The following PCNX1 variants were observed in gnomAD, a reference collection of about 807,000 sequenced individuals.
PCNX1 encodes pecanex-like protein 1.
A neutral mutation model predicts 242.2 loss-of-function variants in PCNX1; 78 were observed. The observed-to-expected ratio is 0.32, with a 90% confidence interval of 0.27 to 0.39. The LOEUF (loss-of-function observed/expected upper bound fraction) is 0.39. Ranked by LOEUF, PCNX1 falls within the 10% of genes least tolerant of loss-of-function variation. The pLI is 1.00. For missense variants in PCNX1, 2,581 were observed against 2,856.5 expected, an observed-to-expected ratio of 0.90 and a Z score of 2.20; for synonymous variants, 1,024 against 1,032.9, an observed-to-expected ratio of 0.99 and a Z score of 0.17.
chr14:71,042,617 AAAATT>A (rs1157293509), intron 19 of PCNX1, among the ~76,000 whole-genome samples: 1 of 152,140 alleles, frequency 6.6e-6, no homozygotes, highest in Admixed American at 6.5e-5. Flanking sequence ...TAAAAAAAAA[AAAATT>A]TAAGCAGAGT....
chr14:71,041,480 T>C (rs2060702838), intron 19 of PCNX1, among the ~76,000 whole-genome samples: 1 of 152,192 alleles, frequency 6.6e-6, no homozygotes, highest in South Asian at 2.1e-4. Context: ...TTCCAATTTA[T>C]TCACATATAG....
intron 5 of PCNX1, among the ~76,000 whole-genome samples, chr14:70,976,361 TTTCTTTC>T (rs2058686266): frequency 7.3e-6 from 1 of 136,204 alleles, no homozygotes. Context: ...TTGCTCTTTC[TTTCTTTC>T]TTTCTTTTTT....
At chr14:70,934,214 A>G (rs531574441) in intron 1 of PCNX1, among the ~76,000 whole-genome samples, 16 of 152,334 alleles carry the variant, frequency 1.1e-4, no homozygotes, top group African/African-American at 2.6e-4. Context: ...GGCATCTTGA[A>G]TAGCTTGAAC....
chr14:70,923,093 A>G (rs2056441400), intron 1 of PCNX1, among the ~76,000 whole-genome samples: 1 of 99,674 alleles, frequency 1.0e-5, no homozygotes, highest in African/African-American at 3.7e-5. Flanking sequence ...TCATATGCCT[A>G]GTAGACACAC....
At chr14:71,011,394 C>T (rs1179269656) in intron 9 of PCNX1, 98 bp from the exon 10 acceptor site, 1 of 743,476 alleles carries the variant, frequency 1.3e-6, no homozygotes, top group African/African-American at 1.8e-5. Context: ...TTGAAGTTAA[C>T]ATGGAAAAGT....
In PCNX1 at chr14:70,947,001, A is replaced by C; in HGVS notation, c.240A>C (p.Arg80=). 3 of 1,613,808 alleles carry C rather than the reference A, an allele frequency of 1.9e-6. No homozygotes were observed. The highest frequency in any genetic ancestry group is 2.5e-6 in the Non-Finnish European group (3 of 1,179,780). ...TTGTTCTGAAGATGGTCAACTATCG[A>C]CTACACAGAGCACTTGATGCTGGAG... ...VFIVLKMVNY[R]LHRALDAGEV... is the part of the protein sequence containing the mutation. The change falls in exon 2 of 36, where the codon CGA becomes CGC. Residue 80 remains arginine (R), a synonymous_variant. Coordinates refer to ENST00000304743, the MANE Select transcript of PCNX1 (RefSeq NM_014982.3).
intron 1 of PCNX1, among the ~76,000 whole-genome samples, chr14:70,934,401 A>AT (rs978219363): frequency 5.9e-5 from 9 of 152,012 alleles, no homozygotes; most frequent in African/African-American, 2.2e-4. Context: ...AGCTTAAAAA[A>AT]AATTGTGGTA....
chr14:70,977,841 C>A lies in PCNX1; in HGVS notation c.1504C>A (p.Gln502Lys). The A allele has an allele frequency of 1.2e-6, 2 of 1,614,098 alleles. No homozygotes were observed. Residue 502 changes from glutamine to lysine, a missense_variant, in exon 6 of 36, where the codon CAA (glutamine) becomes AAA (lysine). Transcript: ENST00000304743. The part of the protein sequence containing the change: ...KNPHANEFTS[Q>K]GDRPPGNTAE... Reference sequence around the variant, plus strand: ...TCCCCATGCAAATGAATTTACTTCCCAAGGGGACAGACCACCTGGGAACAC... The same window carrying A: ...TCCCCATGCAAATGAATTTACTTCCAAAGGGGACAGACCACCTGGGAACAC...
intron 19 of PCNX1, among the ~76,000 whole-genome samples, chr14:71,038,803 C>T (rs985380651): frequency 1.1e-4 from 17 of 151,804 alleles, no homozygotes; most frequent in East Asian, 9.7e-4. Context: ...TTCACAATAG[C>T]AAAGACTTGG....
At chr14:70,990,546 C>T (rs2140274792) in intron 7 of PCNX1, among the ~76,000 whole-genome samples, 2 of 147,134 alleles carry the variant, frequency 1.4e-5, no homozygotes, top group Middle Eastern at 3.5e-3. Context: ...GCCTAGGTGA[C>T]AGAGGGAGAC....
At chr14:70,989,534 A>ATTTTTTTT (rs34767376) in intron 7 of PCNX1, among the ~76,000 whole-genome samples, 1 of 126,362 alleles carries the variant, frequency 7.9e-6, no homozygotes, top group Non-Finnish European at 1.6e-5. Flanking sequence ...ACAGATATAA[A>ATTTTTTTT]TTTTTTTTTT....
intron 29 of PCNX1, among the ~76,000 whole-genome samples, 179 bp from the exon 30 acceptor site, chr14:71,089,013 G>C (rs2062062732): frequency 1.3e-5 from 2 of 152,066 alleles, no homozygotes; most frequent in Non-Finnish European, 2.9e-5. Context: ...TATAAATAAG[G>C]GTCCCAGGTC....
intron 8 of PCNX1, among the ~76,000 whole-genome samples, chr14:70,999,294 A>G (rs950828957): frequency 4.6e-5 from 7 of 152,296 alleles, no homozygotes; most frequent in African/African-American, 1.7e-4. Context: ...TCTCAAACAA[A>G]ATGTTCTAGA....
rs548437069 is a variant in PCNX1, at chr14:70,977,648, AGAG to A, written c.1315_1317del (p.Glu439del). 13 of 1,614,046 alleles carry A rather than the reference AGAG, an allele frequency of 8.1e-6. No individual in the cohort carries two copies. The highest frequency in any genetic ancestry group is 1.1e-5 in the Non-Finnish European group (13 of 1,180,030). On this transcript the variant is annotated inframe_deletion, in exon 6 of 36. Coordinates refer to ENST00000304743, the MANE Select transcript of PCNX1 (RefSeq NM_014982.3). ...GGAAGAAAGAGTGCTGTGCAGGCCC[AGAG>A]GAGAAGAATAGCTGTGCCAGTGACA...
intron 1 of PCNX1, among the ~76,000 whole-genome samples, chr14:70,915,325 T>C (rs959553968): frequency 1.5e-4 from 23 of 152,292 alleles, no homozygotes; most frequent in African/African-American, 5.3e-4. Context: ...CATGTTTTAA[T>C]TTAAAAATCT....
chr14:71,013,846 G>C (rs1055861137), intron 11 of PCNX1, among the ~76,000 whole-genome samples: 2 of 152,184 alleles, frequency 1.3e-5, no homozygotes, highest in African/African-American at 4.8e-5. Context: ...GTAGAGTCCA[G>C]CCAACTTCCT....
intron 5 of PCNX1, among the ~76,000 whole-genome samples, chr14:70,976,706 C>G (rs898205314): frequency 1.3e-5 from 2 of 151,982 alleles, no homozygotes. Context: ...TGTTGATAGT[C>G]TATACAACTC....
At chr14:70,982,550 A>G (rs1292694574) in intron 6 of PCNX1, among the ~76,000 whole-genome samples, 1 of 152,250 alleles carries the variant, frequency 6.6e-6, no homozygotes, top group Non-Finnish European at 1.5e-5. Context: ...CCTTGATTTC[A>G]TTAAGGAAAG....
In PCNX1 at chr14:71,035,177, T is replaced by C. The variant is rs929503183; in HGVS notation, c.3775-888T>C. Among the ~76,000 whole-genome samples the C allele has an allele frequency of 7.2e-5, 11 of 152,118 alleles. 1 individual carries two copies. The East Asian group carries it at 1.5e-3, about 21-fold the overall frequency. On this transcript the variant is annotated intron_variant, in intron 18 of 35. Transcript: ENST00000304743. ...AGTGTACAATGACTATACCTGTGAA[T>C]AGACACTGCACTCCAGCCTGGGCAA...
Sources: gnomAD v4.1 joint callset for allele counts (sites outside exome capture counted in the v4.1 genomes callset) on GRCh38, gnomAD v4.1.1 for gene constraint, MANE v1.5 for transcripts, NCBI Gene and HGNC (gene_info 2026-07-23, HGNC 2026-07-21) for gene names.